SPACA7: variants seen among roughly 807,000 people sequenced by gnomAD.
The protein encoded by SPACA7 is sperm acrosome-associated protein 7.
SPACA7 carries 19 observed loss-of-function variants against 26.3 expected under a neutral mutation model. The observed-to-expected ratio is 0.72, with a 90% CI of 0.50 to 1.06. The LOEUF is 1.06. SPACA7 is among the 50% of genes least tolerant of loss of function. SPACA7 has a pLI of 0.00. For synonymous variants in SPACA7, 84 were observed against 84.5 expected (o/e 0.99, Z 0.04); for missense variants, 211 against 229.9 (o/e 0.92, Z 0.53).
chr13:112,433,017 C>T (rs1423911003), intron 6 of SPACA7, among the ~76,000 whole-genome samples: 1 of 152,192 alleles, frequency 6.6e-6, no homozygotes, highest in African/African-American at 2.4e-5. Context: ...CCATGCAGAT[C>T]CTGTGGCTTC....
At chr13:112,416,404 A>G (rs1210941800) in intron 5 of SPACA7, among the ~76,000 whole-genome samples, 1 of 152,002 alleles carries the variant, frequency 6.6e-6, no homozygotes, top group Admixed American at 6.6e-5. Context: ...CCCCTGCCTC[A>G]GCCTCCCAAG....
intron 5 of SPACA7, among the ~76,000 whole-genome samples, chr13:112,409,502 C>G (rs1431382401): frequency 6.6e-6 from 1 of 151,128 alleles, no homozygotes; most frequent in Non-Finnish European, 1.5e-5. Context: ...CTACAAAGAA[C>G]TCAAACAAAT....
chr13:112,410,033 G>T (rs1437968053), intron 5 of SPACA7, among the ~76,000 whole-genome samples: 5 of 152,158 alleles, frequency 3.3e-5, no homozygotes, highest in African/African-American at 9.7e-5. Flanking sequence ...ATACTATGCA[G>T]CCATAAAAAA....
intron 5 of SPACA7, among the ~76,000 whole-genome samples, chr13:112,406,244 A>T (rs1305480367): frequency 1.3e-5 from 2 of 151,694 alleles, no homozygotes; most frequent in Non-Finnish European, 2.9e-5. Context: ...TTAAGGAATA[A>T]CTCCCCTTTC....
intron 1 of SPACA7, among the ~76,000 whole-genome samples, chr13:112,387,772 G>A (rs1049207958): frequency 6.6e-6 from 1 of 152,112 alleles, no homozygotes; most frequent in Non-Finnish European, 1.5e-5. Flanking sequence ...TGGAACCATA[G>A]GCAAGATTCT....
intron 1 of SPACA7, among the ~76,000 whole-genome samples, chr13:112,385,479 T>C (rs1303587337): frequency 6.6e-6 from 1 of 152,194 alleles, no homozygotes; most frequent in Non-Finnish European, 1.5e-5. Flanking sequence ...GCCTAGGACA[T>C]GAGACACAAA....
intron 3 of SPACA7, 24 bp from the exon 4 acceptor site, chr13:112,399,042 T>C (rs765160135): frequency 6.7e-7 from 1 of 1,483,932 alleles, no homozygotes; most frequent in South Asian, 1.2e-5. Flanking sequence ...TTTTCCCCAT[T>C]TTTTTCCATG....
At position 112,416,637 on chromosome 13, in the gene SPACA7, A is replaced by G. The variant is rs1162917649; in HGVS notation, c.445+15473A>G. ...TACTTGAACTATCAATCATTGCCTA[A>G]TTTCAATTAGGCATCAACATCAATG... On this transcript the variant is annotated intron_variant, in intron 5 of 6. Transcript: ENST00000283550. Among the ~76,000 whole-genome samples, 3 of 152,098 alleles carry G rather than the reference A, an allele frequency of 2.0e-5. No homozygotes were observed. The East Asian group carries it at 5.8e-4, about 29-fold the overall frequency.
chr13:112,426,842 G>A (rs1343065187), intron 5 of SPACA7, among the ~76,000 whole-genome samples: 1 of 152,140 alleles, frequency 6.6e-6, no homozygotes, highest in Non-Finnish European at 1.5e-5. Context: ...GGAATCGTTT[G>A]TTCTTCCTTT....
intron 2 of SPACA7, among the ~76,000 whole-genome samples, chr13:112,395,600 AG>A (rs1885192222): frequency 6.6e-6 from 1 of 152,134 alleles, no homozygotes; most frequent in Non-Finnish European, 1.5e-5. Context: ...CCTCCCGAGT[AG>A]CTGGGATTTC....
intron 1 of SPACA7, among the ~76,000 whole-genome samples, chr13:112,391,847 CTTTG>C (rs750372270): frequency 5.3e-5 from 8 of 152,172 alleles, no homozygotes; most frequent in African/African-American, 1.7e-4. Flanking sequence ...GAGAACTGTA[CTTTG>C]TTTGTTTCGT....
intron 2 of SPACA7, among the ~76,000 whole-genome samples, chr13:112,397,569 G>A (rs1885354891): frequency 6.6e-6 from 1 of 152,198 alleles, no homozygotes; most frequent in Non-Finnish European, 1.5e-5. Context: ...TTTTTTCCGG[G>A]TCTGTCAGAC....
intron 6 of SPACA7, 119 bp downstream of exon 6, chr13:112,432,640 CT>C: frequency 1.4e-6 from 1 of 709,898 alleles, no homozygotes; most frequent in Non-Finnish European, 2.5e-6. Flanking sequence ...CCAGGTGGAC[CT>C]ACCTGAGCTC....
Position 112,397,144 on chromosome 13 carries a change from G to C in SPACA7, c.152-905G>C, listed in dbSNP as rs544186841. ...AAGCTTTTTTATCGGTCGTATTGGT[G>C]ACATCTTCGTTTCCAGTGGCATTTT... On this transcript the variant is annotated intron_variant, in intron 2 of 6. Coordinates refer to ENST00000283550, the MANE Select transcript of SPACA7 (RefSeq NM_145248.5). 6.6e-5 allele frequency among the ~76,000 whole-genome samples: 10 copies of C among 152,322 alleles called. No homozygotes were observed. In the South Asian group the frequency reaches 1.2e-3, roughly 19 times the overall value.
At chr13:112,386,461 G>T (rs889644069) in intron 1 of SPACA7, among the ~76,000 whole-genome samples, 26 of 152,214 alleles carry the variant, frequency 1.7e-4, no homozygotes, top group Middle Eastern at 3.4e-3. Flanking sequence ...AATTCCTGGG[G>T]TTTCATGAGG....
chr13:112,388,024 T>G (rs1303944109), intron 1 of SPACA7, among the ~76,000 whole-genome samples: 1 of 152,186 alleles, frequency 6.6e-6, no homozygotes, highest in Non-Finnish European at 1.5e-5. Context: ...ACAGGCCTAT[T>G]GAGCCTTCTC....
Position 112,394,216 on chromosome 13 carries a change from G to A in SPACA7, c.151+1139G>A, listed in dbSNP as rs150699885. On this transcript the variant is annotated intron_variant, in intron 2 of 6. Transcript: ENST00000283550. Reference sequence around the variant, plus strand: ...GCCTGCACTTCTGCTCTGACCTCTCGTTTTACATGTGGGGAAACTGAGGCC... The same window carrying A: ...GCCTGCACTTCTGCTCTGACCTCTCATTTTACATGTGGGGAAACTGAGGCC... Among the ~76,000 whole-genome samples, 394 of 152,246 alleles carry A rather than the reference G, an allele frequency of 2.6e-3. 2 individuals carry two copies. The highest frequency in any genetic ancestry group is 4.1e-3 in the Non-Finnish European group (279 of 68,028).
intron 1 of SPACA7, among the ~76,000 whole-genome samples, chr13:112,387,626 C>T (rs760270965): frequency 3.9e-5 from 6 of 152,118 alleles, no homozygotes; most frequent in Non-Finnish European, 8.8e-5. Flanking sequence ...TCCTTTTTAT[C>T]GGCATACCAG....
rs773500848 is a variant in SPACA7 at position 112,388,123 on chromosome 13, TC to T, written c.95-4896del. 2.0e-5 allele frequency among the ~76,000 whole-genome samples: 3 copies of T among 152,130 alleles called. No homozygotes were observed. In the East Asian group the frequency reaches 5.8e-4, roughly 29 times the overall value. On this transcript the variant is annotated intron_variant, in intron 1 of 6. Coordinates refer to ENST00000283550, the MANE Select transcript of SPACA7 (RefSeq NM_145248.5). ...ATCAGCAACCCCTTCGGAGATCCCT[TC>T]CACATACACAAACACACATTAAGAT...
Sources: allele counts gnomAD v4.1 joint callset (sites outside exome capture counted in the v4.1 genomes callset), GRCh38; gene constraint gnomAD v4.1.1; transcripts MANE v1.5; gene names NCBI Gene and HGNC (gene_info 2026-07-23, HGNC 2026-07-21).